The following VLDLR variants were observed in gnomAD, a reference collection of about 807,000 sequenced individuals.
The protein encoded by VLDLR is very low-density lipoprotein receptor.
A neutral mutation model predicts 112.7 loss-of-function variants in VLDLR; 81 were observed. The ratio of observed to expected loss-of-function variants is 0.72; its 90% CI spans 0.60 to 0.86. The LOEUF is 0.86. VLDLR is among the 40% of genes least tolerant of loss of function. The pLI is 0.00. For synonymous variants in VLDLR, 436 were observed against 384.8 expected (o/e 1.13, Z -1.56); for missense variants, 1,237 against 1,099.4 (o/e 1.13, Z -1.77).
In VLDLR at chr9:2,621,799, G is replaced by A; in HGVS notation, c.-391G>A. Reference sequence around the variant, plus strand: ...CTCCCCGCTGCTCACCCCGCTCTCCGGCCGCCGCCGGTGCGGGTGCTCCGC... The same window carrying A: ...CTCCCCGCTGCTCACCCCGCTCTCCAGCCGCCGCCGGTGCGGGTGCTCCGC... On this transcript the variant is annotated 5_prime_UTR_variant, in exon 1 of 19. Coordinates refer to ENST00000382100, the MANE Select transcript of VLDLR (RefSeq NM_003383.5). The A allele has an allele frequency of 2.3e-6, 1 of 440,210 alleles. No individual in the cohort carries two copies. The highest frequency in any genetic ancestry group is 4.3e-6 in the Non-Finnish European group (1 of 231,772). 27.3% of individuals were successfully genotyped at this position (440,210 alleles called of 1,614,324 possible).
chr9:2,633,462 G>A (rs543984285), intron 1 of VLDLR, among the ~76,000 whole-genome samples: 3 of 152,164 alleles, frequency 2.0e-5, no homozygotes, highest in East Asian at 1.9e-4. Flanking sequence ...TGTCTTCCAG[G>A]TACCTTAACC....
chr9:2,648,577 A>T, intron 13 of VLDLR, 92 bp from the exon 14 acceptor site: 2 of 1,591,106 alleles, frequency 1.3e-6, no homozygotes, highest in African/African-American at 1.3e-5. Flanking sequence ...CAGTAAACTT[A>T]GTCCATTAAA....
At chr9:2,651,601 C>A in intron 16 of VLDLR, 103 bp downstream of exon 16, 1 of 1,112,358 alleles carries the variant, frequency 9.0e-7, no homozygotes, top group Non-Finnish European at 1.3e-6. Context: ...TATTTCTGCC[C>A]CAATTGGTAA....
chr9:2,647,495 G>C lies in VLDLR; in HGVS notation c.1725G>C (p.Trp575Cys), dbSNP rs1314738358. Residue 575 changes from tryptophan (W) to cysteine (C), a missense_variant, in exon 12 of 19, where the codon TGG becomes TGC. Physicochemically the swap from Trp to Cys is radical, Grantham distance 215. Transcript: ENST00000382100. The part of the protein sequence containing the change: ...PLSGFVYWSD[W>C]GEPAKIEKAG... Reference sequence around the variant, plus strand: ...ACAGCTTTGTTTACTGGTCAGACTGGGGTGAACCAGCTAAAATAGAAAAAG... The same window carrying C: ...ACAGCTTTGTTTACTGGTCAGACTGCGGTGAACCAGCTAAAATAGAAAAAG... 5.6e-6 allele frequency: 9 copies of C among 1,613,870 alleles called. No homozygotes were observed. Among genetic ancestry groups the C allele is most frequent in the Non-Finnish European group, 7.6e-6 (9 of 1,179,924 alleles).
rs574784044 is a variant in VLDLR, at chr9:2,622,139, G to A, written c.-51G>A. 3.5e-5 allele frequency: 50 copies of A among 1,419,042 alleles called. No individual in the cohort carries two copies. The highest frequency in any genetic ancestry group is 4.5e-5 in the Non-Finnish European group (49 of 1,082,338). The allele number at this position is 1,419,042 out of a possible 1,614,324, so 87.9% of individuals were successfully genotyped here. On this transcript the variant is annotated 5_prime_UTR_variant, in exon 1 of 19. Transcript: ENST00000382100. ...CGGAAGGACTGGTAACTTGTCGTGC[G>A]GAGCGAACGGCGGCGGCGGCGGCGG... is the stretch of plus-strand genomic sequence containing the variant.
At chr9:2,638,778 G>T (rs1817706621) in intron 2 of VLDLR, among the ~76,000 whole-genome samples, 1 of 152,222 alleles carries the variant, frequency 6.6e-6, no homozygotes, top group Non-Finnish European at 1.5e-5. Context: ...GGAAGAATTA[G>T]CAACAGAATC....
intron 1 of VLDLR, among the ~76,000 whole-genome samples, chr9:2,627,094 A>G (rs1411033482): frequency 6.6e-6 from 1 of 152,150 alleles, no homozygotes; most frequent in Non-Finnish European, 1.5e-5. Context: ...CACTTAGTCT[A>G]GTAGGGGAAT....
chr9:2,650,030 T>A (rs1818250395), intron 14 of VLDLR, among the ~76,000 whole-genome samples: 1 of 152,150 alleles, frequency 6.6e-6, no homozygotes, highest in Non-Finnish European at 1.5e-5. Flanking sequence ...ACATGCCTAG[T>A]CTCCTTTCTC....
At chr9:2,635,676 G>A (rs1817572725) in intron 2 of VLDLR, 104 bp downstream of exon 2, 5 of 1,555,864 alleles carry the variant, frequency 3.2e-6, no homozygotes, top group Non-Finnish European at 4.4e-6. Flanking sequence ...TCTAACAATT[G>A]CTTTGAAAGA....
At position 2,633,051 on chromosome 9, in the gene VLDLR, A is replaced by AGTGTGTGTGT. The variant is rs71329439; in HGVS notation, c.83-2374_83-2365dup. Among the ~76,000 whole-genome samples, 125 of 115,440 alleles carry AGTGTGTGTGT rather than the reference A, an allele frequency of 1.1e-3. 1 individual carries two copies. Among genetic ancestry groups the AGTGTGTGTGT allele is most frequent in the African/African-American group, 2.6e-3 (77 of 29,936 alleles). 75.7% of individuals were successfully genotyped at this position (115,440 alleles called of 152,430 possible). A position where few individuals can be genotyped will look rare whatever the true frequency, so the allele number is the denominator to read the frequency against. ...TTATTGGAGAGAGAGAGAGAGAGAG[A>AGTGTGTGTGT]GTGTGTGTGTGTGTGTGTGTGTGTG... On this transcript the variant is annotated intron_variant, in intron 1 of 18. Transcript: ENST00000382100.
chr9:2,637,904 C>T (rs566179122), intron 2 of VLDLR, among the ~76,000 whole-genome samples: 47 of 152,198 alleles, frequency 3.1e-4, no homozygotes, highest in South Asian at 1.5e-3. Context: ...GACCACGCCA[C>T]TGCACTCCAG....
chr9:2,652,205 T>C (rs1340602656), intron 17 of VLDLR, among the ~76,000 whole-genome samples: 1 of 152,212 alleles, frequency 6.6e-6, no homozygotes, highest in Non-Finnish European at 1.5e-5. Flanking sequence ...TTCCGCACTG[T>C]TAACCTGGCT....
chr9:2,628,400 C>T (rs1000436587), intron 1 of VLDLR, among the ~76,000 whole-genome samples: 1 of 152,160 alleles, frequency 6.6e-6, no homozygotes, highest in African/African-American at 2.4e-5. Flanking sequence ...AGGGCAAAGC[C>T]ATGGGGAAGT....
intron 1 of VLDLR, among the ~76,000 whole-genome samples, chr9:2,623,190 G>A (rs1816914874): frequency 6.6e-6 from 1 of 152,214 alleles, no homozygotes; most frequent in Non-Finnish European, 1.5e-5. Flanking sequence ...AAGGGCGGCG[G>A]TGACTACTGT....
In VLDLR at chr9:2,659,493, G is replaced by C. The variant is rs904312269; in HGVS notation, c.*5625G>C. On this transcript the variant is annotated 3_prime_UTR_variant, in exon 19 of 19. Transcript: ENST00000382100. The stretch of plus-strand genomic sequence containing the variant: ...AGACATTCCAGAATTATTTTCCTTG[G>C]CCATCCAAGTGAAGTAGAAGTAGAT... The C allele has an allele frequency of 6.6e-6, 1 of 152,180 alleles. No individual in the cohort carries two copies. Among genetic ancestry groups the C allele is most frequent in the Non-Finnish European group, 1.5e-5 (1 of 68,024 alleles). The allele number at this position is 152,180 out of a possible 1,614,324, so 9.4% of individuals were successfully genotyped here.
At chr9:2,638,220 C>T (rs34078051) in intron 2 of VLDLR, among the ~76,000 whole-genome samples, 3 of 152,260 alleles carry the variant, frequency 2.0e-5, no homozygotes, top group African/African-American at 7.2e-5. Context: ...GTTTCCTTGG[C>T]TGTGTAATTC....
chr9:2,643,584 G>A (rs1183264458), intron 5 of VLDLR, 44 bp from the exon 6 acceptor site: 4 of 1,614,056 alleles, frequency 2.5e-6, no homozygotes, highest in Non-Finnish European at 3.4e-6. Flanking sequence ...TATCAACTGG[G>A]ACAATTTGCT....
chr9:2,638,770 A>T (rs1817706083), intron 2 of VLDLR, among the ~76,000 whole-genome samples: 1 of 152,250 alleles, frequency 6.6e-6, no homozygotes, highest in African/African-American at 2.4e-5. Flanking sequence ...CTGCCCCAGG[A>T]AGAATTAGCA....
rs1430582778 is a variant in VLDLR at position 2,651,883 on chromosome 9, T to A, written c.2345T>A (p.Val782Glu). Residue 782 changes from valine (V) to glutamate (E), a missense_variant, in exon 17 of 19, where the codon GTG (valine) becomes GAG (glutamate). By Grantham distance (121) the Val-to-Glu change is moderately radical. Transcript: ENST00000382100. ...TTTTATTCCTCTGTAGGGATCAATG[T>A]GACCACAGCAGTATCAGAGGTCAGT... Reference protein sequence around the residue: ...TSGLVPGGINVTTAVSEVSVP... With the variant: ...TSGLVPGGINETTAVSEVSVP... 6.2e-7 allele frequency: 1 copy of A among 1,614,116 alleles called. No homozygotes were observed. Among genetic ancestry groups the A allele is most frequent in the Non-Finnish European group, 8.5e-7 (1 of 1,179,976 alleles).
Sources: allele counts gnomAD v4.1 joint callset (sites outside exome capture counted in the v4.1 genomes callset), GRCh38; gene constraint gnomAD v4.1.1; transcripts MANE v1.5; gene names NCBI Gene and HGNC (gene_info 2026-07-23, HGNC 2026-07-21).